FAM78B: variants seen among roughly 807,000 people sequenced by gnomAD.
FAM78B encodes family with sequence similarity 78 member B.
In FAM78B, 10 loss-of-function variants were observed where a neutral mutation model predicts 20.0. The ratio of observed to expected loss-of-function variants is 0.50; its 90% CI spans 0.31 to 0.85. The LOEUF (loss-of-function observed/expected upper bound fraction) is 0.85. Among genes scored for constraint, FAM78B ranks in the 40% least tolerant of loss-of-function variants. The probability of loss-of-function intolerance (pLI) is 0.05; values close to 1 mark genes in which losing one functional copy is unlikely to be tolerated. For synonymous variants in FAM78B, 135 were observed against 132.8 expected (o/e 1.02, Z -0.12); for missense variants, 283 against 345.0 (o/e 0.82, Z 1.42).
At chr1:166,126,703 T>C (rs1488854829) in intron 1 of FAM78B, among the ~76,000 whole-genome samples, 1 of 152,104 alleles carries the variant, frequency 6.6e-6, no homozygotes, top group African/African-American at 2.4e-5. Flanking sequence ...GGGTGTAATA[T>C]ACACAATAAT....
In FAM78B at chr1:166,102,387, G is replaced by A. The variant is rs553305653; in HGVS notation, c.264-31624C>T. ...TAACGTAAATGTAAATGGGCTAAAT[G>A]CTCCAATTAAAAGACACAGACTGGC... On this transcript the variant is annotated intron_variant, in intron 1 of 1. Transcript: ENST00000354422. 1.8e-3 allele frequency among the ~76,000 whole-genome samples: 273 copies of A among 152,240 alleles called. 1 individual carries two copies. In the South Asian group the frequency reaches 0.021, roughly 11 times the overall value.
chr1:166,154,729 A>C (rs753180318), intron 1 of FAM78B: 1 of 526,594 alleles, frequency 1.9e-6, no homozygotes, highest in Admixed American at 2.0e-5. Flanking sequence ...TCCAGCCCTG[A>C]CCCACAGAAT....
chr1:166,104,079 A>G (rs1653660137), intron 1 of FAM78B, among the ~76,000 whole-genome samples: 1 of 152,224 alleles, frequency 6.6e-6, no homozygotes, highest in African/African-American at 2.4e-5. Flanking sequence ...AATCCAGCAT[A>G]TAAAGAGAAC....
chr1:166,108,225 G>A (rs1653864164), intron 1 of FAM78B, among the ~76,000 whole-genome samples: 1 of 152,072 alleles, frequency 6.6e-6, no homozygotes, highest in Non-Finnish European at 1.5e-5. Flanking sequence ...CTGACAATAT[G>A]ATTGTTTACC....
At chr1:166,067,175 T>TAAG (rs978462671), downstream of FAM78B, among the ~76,000 whole-genome samples, 3 of 152,130 alleles carry the variant, frequency 2.0e-5, no homozygotes, top group Non-Finnish European at 4.4e-5. Context: ...GAGTTCTAGC[T>TAAG]AAGTGTTACC....
chr1:166,109,285 C>A (rs1653904675), intron 1 of FAM78B, among the ~76,000 whole-genome samples: 1 of 152,096 alleles, frequency 6.6e-6, no homozygotes, highest in African/African-American at 2.4e-5. Context: ...TATCCAGAAT[C>A]TATAATGAAC....
At position 166,069,808 on chromosome 1, in the gene FAM78B, G is replaced by GA. The variant is rs1412138759; in HGVS notation, c.*432dup. The stretch of plus-strand genomic sequence containing the variant: ...CCATTTCCCCAGCACCCTCCAGTCA[G>GA]ACAGCAGGAGTCTGTCTTACGACCA... On this transcript the variant is annotated 3_prime_UTR_variant, in exon 2 of 2. Coordinates refer to ENST00000354422, the MANE Select transcript of FAM78B (RefSeq NM_001017961.5). 1.0e-5 allele frequency: 2 copies of GA among 195,450 alleles called. No homozygotes were observed. Among genetic ancestry groups the GA allele is most frequent in the Admixed American group, 1.3e-4 (2 of 15,550 alleles). 12.1% of individuals were successfully genotyped at this position (195,450 alleles called of 1,614,324 possible). A position where few individuals can be genotyped will look rare whatever the true frequency, so the allele number is the denominator to read the frequency against.
chr1:166,080,520 C>G (rs148421066), intron 1 of FAM78B, among the ~76,000 whole-genome samples: 3 of 152,198 alleles, frequency 2.0e-5, no homozygotes, highest in Non-Finnish European at 4.4e-5. Context: ...GTGGTCTAAC[C>G]GCTATGTTCA....
intron 1 of FAM78B, among the ~76,000 whole-genome samples, chr1:166,073,092 C>T (rs1426568931): frequency 6.6e-6 from 1 of 152,194 alleles, no homozygotes; most frequent in Admixed American, 6.5e-5. Flanking sequence ...AAGACACACT[C>T]TTGTGGCTAT....
chr1:166,071,658 C>T (rs886816055), intron 1 of FAM78B, among the ~76,000 whole-genome samples: 1 of 152,212 alleles, frequency 6.6e-6, no homozygotes, highest in Non-Finnish European at 1.5e-5. Flanking sequence ...ATTCAAAATA[C>T]TCCACAAGAT....
chr1:166,118,202 G>C (rs1654329224), intron 1 of FAM78B, among the ~76,000 whole-genome samples: 1 of 152,174 alleles, frequency 6.6e-6, no homozygotes, highest in African/African-American at 2.4e-5. Context: ...GGATGGAGTG[G>C]GTTGCCTCCT....
At chr1:166,131,886 T>C (rs1029748428) in intron 1 of FAM78B, among the ~76,000 whole-genome samples, 5 of 151,766 alleles carry the variant, frequency 3.3e-5, no homozygotes, top group African/African-American at 9.7e-5. Flanking sequence ...TGGCAGAAAA[T>C]AGTCAGCTGG....
chr1:166,136,780 C>T (rs1331236802), intron 1 of FAM78B, among the ~76,000 whole-genome samples: 1 of 152,202 alleles, frequency 6.6e-6, no homozygotes, highest in Non-Finnish European at 1.5e-5. Context: ...AGCAACACAG[C>T]TTGCCTGGAT....
chr1:166,098,032 A>G (rs1280837202), intron 1 of FAM78B, among the ~76,000 whole-genome samples: 1 of 152,176 alleles, frequency 6.6e-6, no homozygotes, highest in Non-Finnish European at 1.5e-5. Context: ...TGGCTGAGAG[A>G]ACCATAGACC....
downstream of FAM78B, among the ~76,000 whole-genome samples, chr1:166,064,362 CTTG>C (rs1557885416): frequency 6.6e-6 from 1 of 152,094 alleles, no homozygotes; most frequent in Non-Finnish European, 1.5e-5. Flanking sequence ...CTCTGAATCT[CTTG>C]TCTGAGACCA....
At chr1:166,129,593 T>G (rs2101777016) in intron 1 of FAM78B, among the ~76,000 whole-genome samples, 1 of 152,308 alleles carries the variant, frequency 6.6e-6, no homozygotes, top group South Asian at 2.1e-4. Context: ...GTGCTCGAAC[T>G]TCCTGATTCC....
intron 1 of FAM78B, among the ~76,000 whole-genome samples, chr1:166,075,644 T>C (rs1483013579): frequency 1.3e-5 from 2 of 152,212 alleles, no homozygotes. Context: ...ACTAATCTTG[T>C]TTCTCTTTAT....
Position 166,071,520 on chromosome 1 carries a change from CAGGAGGAGG to C in FAM78B, c.264-766_264-758del, listed in dbSNP as rs370094739. On this transcript the variant is annotated intron_variant, in intron 1 of 1. Transcript: ENST00000354422. ...CCTCCTGGCTGTCTCTGACCTTGTA[CAGGAGGAGG>C]AGGAGGAGGAACCAATGTCTCTACC... is the stretch of plus-strand genomic sequence containing the variant. Among the ~76,000 whole-genome samples, 133 of 152,132 alleles carry C rather than the reference CAGGAGGAGG, an allele frequency of 8.7e-4. 2 individuals carry two copies. In the South Asian group the frequency reaches 0.022, roughly 25 times the overall value.
chr1:166,130,973 C>T (rs1654850899), intron 1 of FAM78B, among the ~76,000 whole-genome samples: 2 of 150,448 alleles, frequency 1.3e-5, no homozygotes, highest in East Asian at 1.9e-4. Flanking sequence ...TCTGCATCTC[C>T]CCAGGTGCTT....
Sources: gnomAD v4.1 joint callset for allele counts (sites outside exome capture counted in the v4.1 genomes callset) on GRCh38, gnomAD v4.1.1 for gene constraint, MANE v1.5 for transcripts, NCBI Gene and HGNC (gene_info 2026-07-23, HGNC 2026-07-21) for gene names.